ZNF277: variants seen among roughly 807,000 people sequenced by gnomAD.
ZNF277 encodes nuclear receptor-interacting factor 4.
A neutral mutation model predicts 60.7 loss-of-function variants in ZNF277; 55 were observed. The ratio of observed to expected loss-of-function variants is 0.91; its 90% confidence interval spans 0.73 to 1.13. The LOEUF (loss-of-function observed/expected upper bound fraction) is 1.13, where lower values mean the gene tolerates loss of function less well. Ranked by LOEUF, ZNF277 falls within the 50% of genes most tolerant of loss-of-function variation. ZNF277 has a pLI of 0.00. For missense variants in ZNF277, 510 were observed against 523.0 expected, an observed-to-expected ratio of 0.98 and a Z score of 0.24; for synonymous variants, 178 against 179.3, an observed-to-expected ratio of 0.99 and a Z score of 0.06.
intron 9 of ZNF277, among the ~76,000 whole-genome samples, chr7:112,339,507 C>T (rs565377626): frequency 5.9e-5 from 9 of 152,250 alleles, no homozygotes; most frequent in Admixed American, 5.2e-4. Flanking sequence ...TTAGTAGAGA[C>T]GGGGTTTTGC....
chr7:112,206,919 G>A (rs1169668703), intron 1 of ZNF277, 112 bp downstream of exon 1: 3 of 1,038,302 alleles, frequency 2.9e-6, no homozygotes, highest in Non-Finnish European at 4.1e-6. Context: ...GGGCCACCTG[G>A]GTTCGACTGG....
intron 4 of ZNF277, among the ~76,000 whole-genome samples, chr7:112,309,758 G>T (rs933895089): frequency 6.6e-5 from 10 of 152,020 alleles, no homozygotes; most frequent in African/African-American, 2.4e-4. Context: ...GGATACTTTG[G>T]CTTCTCACCA....
rs1793429908 is a variant in ZNF277, at chr7:112,340,863, C to T, written c.1010-9C>T. The T allele has an allele frequency of 1.9e-6, 3 of 1,607,490 alleles. No homozygotes were observed. The highest frequency in any genetic ancestry group is 2.5e-6 in the Non-Finnish European group (3 of 1,177,658). ...GTTGTCTAATGATTCTGTATTTTGT[C>T]ATTTTCAGGATTAAATTTCTATCAG... On this transcript the variant is annotated splice_polypyrimidine_tract_variant and intron_variant, in intron 10 of 11. Coordinates refer to ENST00000361822, the MANE Select transcript of ZNF277 (RefSeq NM_021994.3).
intron 2 of ZNF277, chr7:112,287,687 C>T (rs888689926): frequency 3.9e-5 from 6 of 152,088 alleles, no homozygotes; most frequent in African/African-American, 1.4e-4. Flanking sequence ...CCACCACGCC[C>T]AGCTAATTTT....
chr7:112,300,152 G>A (rs1012063420), intron 4 of ZNF277, among the ~76,000 whole-genome samples: 4 of 152,164 alleles, frequency 2.6e-5, no homozygotes, highest in African/African-American at 9.7e-5. Context: ...TTCACTGAAA[G>A]TTACAGTAAC....
chr7:112,333,888 A>G (rs1793276719), intron 7 of ZNF277, among the ~76,000 whole-genome samples: 1 of 152,198 alleles, frequency 6.6e-6, no homozygotes. Flanking sequence ...TCACATTCAG[A>G]TAACCCTTCC....
chr7:112,312,815 G>A (rs1003266120), intron 4 of ZNF277, among the ~76,000 whole-genome samples: 1 of 152,058 alleles, frequency 6.6e-6, no homozygotes, highest in African/African-American at 2.4e-5. Context: ...CATTTAGAAT[G>A]TCATGACATA....
chr7:112,312,117 T>G (rs1008507620), intron 4 of ZNF277, among the ~76,000 whole-genome samples: 1 of 152,152 alleles, frequency 6.6e-6, no homozygotes, highest in African/African-American at 2.4e-5. Context: ...GTGGGCTTAT[T>G]ATCTGGTAGA....
chr7:112,242,405 C>T (rs1427589304), intron 1 of ZNF277, among the ~76,000 whole-genome samples: 4 of 151,896 alleles, frequency 2.6e-5, no homozygotes, highest in South Asian at 2.1e-4. Flanking sequence ...TGCTTGCTTG[C>T]GATAGGTGCT....
chr7:112,223,676 A>C (rs746799463), intron 1 of ZNF277, among the ~76,000 whole-genome samples: 15 of 152,196 alleles, frequency 9.9e-5, no homozygotes, highest in Non-Finnish European at 2.2e-4. Flanking sequence ...AGGCTCCCAC[A>C]AAGGCGCTTT....
chr7:112,288,914 T>C (rs1792134769), intron 2 of ZNF277: 1 of 112,736 alleles, frequency 8.9e-6, no homozygotes, highest in African/African-American at 3.5e-5. Context: ...TCCAGACACA[T>C]CCAAATGAAG....
At chr7:112,278,059 T>A (rs1248498861) in intron 1 of ZNF277, among the ~76,000 whole-genome samples, 1 of 152,210 alleles carries the variant, frequency 6.6e-6, no homozygotes, top group Non-Finnish European at 1.5e-5. Flanking sequence ...TGAACAGAGC[T>A]TATCTCATAT....
chr7:112,243,884 GC>G (rs1440901978), intron 1 of ZNF277, among the ~76,000 whole-genome samples: 1 of 152,022 alleles, frequency 6.6e-6, no homozygotes, highest in Non-Finnish European at 1.5e-5. Flanking sequence ...TAATAGCAAA[GC>G]ATTGGAATAA....
chr7:112,293,922 C>A (rs1045026181), intron 2 of ZNF277, among the ~76,000 whole-genome samples: 1 of 152,194 alleles, frequency 6.6e-6, no homozygotes, highest in Non-Finnish European at 1.5e-5. Context: ...GGGAACTTGG[C>A]CTTCCTGTCT....
chr7:112,267,401 TCAAA>T (rs1791572275), intron 1 of ZNF277, among the ~76,000 whole-genome samples: 1 of 152,232 alleles, frequency 6.6e-6, no homozygotes, highest in African/African-American at 2.4e-5. Context: ...GTTTCAGCAA[TCAAA>T]CATTTTCCTG....
chr7:112,207,646 T>C (rs972285967), intron 1 of ZNF277, among the ~76,000 whole-genome samples: 2 of 149,970 alleles, frequency 1.3e-5, no homozygotes, highest in East Asian at 4.1e-4. Context: ...CCCTCCCCCA[T>C]TCCCCCCACC....
At chr7:112,296,873 ATTTTC>A (rs1458124520) in intron 4 of ZNF277, among the ~76,000 whole-genome samples, 1 of 99,602 alleles carries the variant, frequency 1.0e-5, no homozygotes, top group African/African-American at 3.3e-5. Flanking sequence ...ATTTTATTTT[ATTTTC>A]TTATTTTTAT....
chr7:112,255,855 A>G (rs1791296695), intron 1 of ZNF277, among the ~76,000 whole-genome samples: 1 of 152,090 alleles, frequency 6.6e-6, no homozygotes. Context: ...GCTTTTCCAC[A>G]CTGGACTTGC....
intron 1 of ZNF277, among the ~76,000 whole-genome samples, chr7:112,260,917 C>G (rs1791424778): frequency 6.6e-6 from 1 of 152,172 alleles, no homozygotes; most frequent in Non-Finnish European, 1.5e-5. Context: ...TTCTTTTAGT[C>G]TTAACAGTTC....
Sources: gnomAD v4.1 joint callset for allele counts (sites outside exome capture counted in the v4.1 genomes callset) on GRCh38, gnomAD v4.1.1 for gene constraint, MANE v1.5 for transcripts, NCBI Gene and HGNC (gene_info 2026-07-23, HGNC 2026-07-21) for gene names.